Variants in TTLL7 observed in about 807,000 individuals in gnomAD.
TTLL7 encodes the protein tubulin polyglutamylase TTLL7.
A neutral mutation model predicts 120.2 loss-of-function variants in TTLL7; 53 were observed. The ratio of observed to expected loss-of-function variants is 0.44; its 90% confidence interval spans 0.35 to 0.55. The LOEUF is 0.55. TTLL7 is among the 20% of genes least tolerant of loss of function. The probability of loss-of-function intolerance (pLI) is 0.00; values close to 1 mark genes in which losing one functional copy is unlikely to be tolerated. For missense variants in TTLL7, 803 were observed against 1,054.7 expected, an observed-to-expected ratio of 0.76 and a Z score of 3.31; for synonymous variants, 353 against 351.7, an observed-to-expected ratio of 1.00 and a Z score of -0.04.
Position 83,947,276 on chromosome 1 carries a change from G to T in TTLL7, c.354C>A (p.Ile118=). The change falls in exon 6 of 21, where the codon ATC becomes ATA. Residue 118 remains isoleucine (I), a synonymous_variant. Transcript: ENST00000260505. ...DFLARNMTKM[I]KSRPLDYTFV... ...AGGTATAATCCAGAGGCCGAGACTTGATCATTCTGTAAATTGGACATAATA... is the reference window on the plus strand; with the variant it reads ...AGGTATAATCCAGAGGCCGAGACTTTATCATTCTGTAAATTGGACATAATA... 6.3e-7 allele frequency: 1 copy of T among 1,597,264 alleles called. No individual in the cohort carries two copies. The highest frequency in any genetic ancestry group is 1.1e-5 in the South Asian group (1 of 87,082).
At chr1:83,986,155 T>C (rs763689378) in intron 1 of TTLL7, among the ~76,000 whole-genome samples, 1 of 152,216 alleles carries the variant, frequency 6.6e-6, no homozygotes, top group Non-Finnish European at 1.5e-5. Context: ...GCAAAAATCC[T>C]TAAAATTTTG....
intron 9 of TTLL7, among the ~76,000 whole-genome samples, chr1:83,931,984 C>G (rs1330038316): frequency 6.6e-6 from 1 of 152,140 alleles, no homozygotes; most frequent in Non-Finnish European, 1.5e-5. Context: ...TTATTCACAG[C>G]TCTTGGTTAT....
At position 83,869,986 on chromosome 1, in the gene TTLL7, A is replaced by T; in HGVS notation, c.2640T>A (p.Phe880Leu). 1 of 1,596,056 alleles carries T rather than the reference A, an allele frequency of 6.3e-7. No individual in the cohort carries two copies. The highest frequency in any genetic ancestry group is 8.5e-7 in the Non-Finnish European group (1 of 1,174,040). The change falls in exon 21 of 21, where the codon TTT (phenylalanine) becomes TTA (leucine). Residue 880 changes from phenylalanine to leucine, a missense_variant. Phe to Leu is a conservative substitution (Grantham distance 22, BLOSUM62 0). Transcript: ENST00000260505. ...SPGMTRSNVL[F>L]TSRYGHL ...TTCACAGATGGCCATATCTGGATGT[A>T]AACAAAACATTGGAGCGAGTCATTC... is the stretch of plus-strand genomic sequence containing the variant.
chr1:83,884,147 A>AGG (rs1654763916), intron 19 of TTLL7, among the ~76,000 whole-genome samples: 1 of 151,646 alleles, frequency 6.6e-6, no homozygotes, highest in East Asian at 1.9e-4. Flanking sequence ...GGAGAGAGAG[A>AGG]GAGAGAGAGG....
chr1:83,977,028 G>A (rs534748324), intron 1 of TTLL7, among the ~76,000 whole-genome samples: 10 of 151,586 alleles, frequency 6.6e-5, no homozygotes, highest in South Asian at 2.1e-4. Flanking sequence ...TTGAAATACC[G>A]GGACTTTTGA....
chr1:83,956,219 G>A (rs891123039), intron 1 of TTLL7, among the ~76,000 whole-genome samples: 1 of 151,906 alleles, frequency 6.6e-6, no homozygotes, highest in Non-Finnish European at 1.5e-5. Flanking sequence ...AACCTCCCAA[G>A]TAGCTGGGAC....
chr1:83,943,371 G>C lies in TTLL7; in HGVS notation c.507-692C>G, dbSNP rs374775246. Among the ~76,000 whole-genome samples the C allele has an allele frequency of 1.1e-4, 16 of 152,250 alleles. No individual in the cohort carries two copies. In the East Asian group the frequency reaches 3.1e-3, roughly 29 times the overall value. On this transcript the variant is annotated intron_variant, in intron 6 of 20. Transcript: ENST00000260505. The stretch of plus-strand genomic sequence containing the variant: ...AGCATGCTCAAGAAAGACCCGAGAA[G>C]GCCCTAAGCTGTCCCCTCTGGCTAA...
intron 1 of TTLL7, among the ~76,000 whole-genome samples, chr1:83,970,092 T>C (rs922679706): frequency 6.6e-6 from 1 of 152,044 alleles, no homozygotes. Flanking sequence ...GGATAAATTT[T>C]ACTATACATT....
chr1:83,909,799 C>G (rs1450147334), intron 15 of TTLL7, among the ~76,000 whole-genome samples: 1 of 152,046 alleles, frequency 6.6e-6, no homozygotes, highest in African/African-American at 2.4e-5. Context: ...CCTCATCCCC[C>G]ATCAGTTCAT....
At position 83,947,300 on chromosome 1, in the gene TTLL7, T is replaced by C. The variant is rs200337432; in HGVS notation, c.348-18A>G. 24 of 1,573,472 alleles carry C rather than the reference T, an allele frequency of 1.5e-5. No individual in the cohort carries two copies. The East Asian group carries it at 2.8e-4, about 18-fold the overall frequency. Reference sequence around the variant, plus strand: ...TGATCATTCTGTAAATTGGACATAATAGGAAAAATAATTTCTATTCAAACT... The same window carrying C: ...TGATCATTCTGTAAATTGGACATAACAGGAAAAATAATTTCTATTCAAACT... On this transcript the variant is annotated intron_variant, in intron 5 of 20. Transcript: ENST00000260505.
At chr1:83,955,564 C>T (rs1319447865) in intron 1 of TTLL7, among the ~76,000 whole-genome samples, 3 of 152,192 alleles carry the variant, frequency 2.0e-5, no homozygotes, top group African/African-American at 4.8e-5. Context: ...AAAGCAGAAA[C>T]AGCAGCCCTC....
intron 1 of TTLL7, among the ~76,000 whole-genome samples, chr1:83,965,746 T>C (rs534275540): frequency 6.6e-6 from 1 of 152,126 alleles, no homozygotes; most frequent in African/African-American, 2.4e-5. Flanking sequence ...TCTGCATTTA[T>C]AAGTCCCCAA....
Position 83,870,051 on chromosome 1 carries a change from A to G in TTLL7, c.2575T>C (p.Leu859=), listed in dbSNP as rs371216304. 1.9e-6 allele frequency: 3 copies of G among 1,580,172 alleles called. No homozygotes were observed. Among genetic ancestry groups the G allele is most frequent in the Non-Finnish European group, 1.7e-6 (2 of 1,168,306 alleles). Residue 859 remains leucine, a synonymous_variant, in exon 21 of 21, where the codon TTG becomes CTG. Coordinates refer to ENST00000260505, the MANE Select transcript of TTLL7 (RefSeq NM_024686.6). ...TTCAAGTTGTAGGTTGGTGTTCTCA[A>G]GAAGAATTGGGTGCTCCCTGGTAGT... is the stretch of plus-strand genomic sequence containing the variant. ...YLLPGSTQFF[L]RTPTYNLKYN...
intron 1 of TTLL7, among the ~76,000 whole-genome samples, chr1:83,987,252 A>T (rs1652553572): frequency 6.6e-6 from 1 of 151,660 alleles, no homozygotes; most frequent in Admixed American, 6.6e-5. Flanking sequence ...CATGGAAAAA[A>T]AAAAGAAAAA....
chr1:83,912,782 C>T (rs1159750912), intron 14 of TTLL7, among the ~76,000 whole-genome samples: 1 of 152,128 alleles, frequency 6.6e-6, no homozygotes, highest in African/African-American at 2.4e-5. Context: ...AGCATGTGCT[C>T]CTTCTGATGG....
At chr1:83,899,016 CT>C (rs1456990762) in intron 18 of TTLL7, among the ~76,000 whole-genome samples, 3 of 151,640 alleles carry the variant, frequency 2.0e-5, no homozygotes, top group Non-Finnish European at 4.4e-5. Flanking sequence ...TGTTAGGCTT[CT>C]TTTTGTGAAT....
At chr1:83,949,131 T>C (rs1485463611) in intron 4 of TTLL7, among the ~76,000 whole-genome samples, 2 of 152,144 alleles carry the variant, frequency 1.3e-5, no homozygotes, top group Non-Finnish European at 2.9e-5. Context: ...TTCCTTATAT[T>C]TGGCTTTTTA....
intron 19 of TTLL7, 152 bp from the exon 20 acceptor site, chr1:83,883,288 T>C: frequency 1.8e-6 from 1 of 543,650 alleles, no homozygotes; most frequent in South Asian, 3.4e-5. Context: ...ATATAATAAA[T>C]ACAAATCAGG....
intron 15 of TTLL7, among the ~76,000 whole-genome samples, chr1:83,910,606 C>G (rs929878241): frequency 6.6e-6 from 1 of 152,046 alleles, no homozygotes; most frequent in Non-Finnish European, 1.5e-5. Context: ...GGAGATGGAA[C>G]AGCTGGTTGG....
Sources: gnomAD v4.1 joint callset for allele counts (sites outside exome capture counted in the v4.1 genomes callset) on GRCh38, gnomAD v4.1.1 for gene constraint, MANE v1.5 for transcripts, NCBI Gene and HGNC (gene_info 2026-07-23, HGNC 2026-07-21) for gene names.